SPMIP2: variants seen among roughly 807,000 people sequenced by gnomAD.
SPMIP2 encodes protein SPMIP2.
chr4:159,037,823 C>CAT, the SPMIP2 span, among the ~76,000 whole-genome samples: 3 of 143,720 alleles, frequency 2.1e-5, no homozygotes. Context: ...CACACACACA[C>CAT]ACACATATAT....
At chr4:158,906,033 C>G in the SPMIP2 span, 2 of 152,108 alleles carry the variant, frequency 1.3e-5, no homozygotes, top group African/African-American at 4.8e-5. Context: ...CTACCTTTCC[C>G]TTTTTTAATG....
At chr4:158,960,225 C>A in the SPMIP2 span, 1 of 990,812 alleles carries the variant, frequency 1.0e-6, no homozygotes, top group African/African-American at 1.6e-5. Context: ...AAAAATGAAT[C>A]CTGTTACCAA....
At chr4:158,908,577 A>G in the SPMIP2 span, among the ~76,000 whole-genome samples, 7 of 152,232 alleles carry the variant, frequency 4.6e-5, no homozygotes, top group Admixed American at 3.3e-4. Context: ...CAATGGTAAC[A>G]TAGTTTGGTA....
the SPMIP2 span, chr4:158,960,179 A>T: frequency 1.5e-6 from 1 of 673,320 alleles, no homozygotes; most frequent in Non-Finnish European, 2.5e-6. Flanking sequence ...ACCTACATGA[A>T]ATAAAAAGAA....
At chr4:159,014,564 GGTTA>G in the SPMIP2 span, among the ~76,000 whole-genome samples, 2 of 152,124 alleles carry the variant, frequency 1.3e-5, no homozygotes, top group South Asian at 2.1e-4. Flanking sequence ...ACATTGTGCA[GGTTA>G]GTTACATATG....
chr4:158,898,423 T>C, the SPMIP2 span, among the ~76,000 whole-genome samples: 2 of 152,184 alleles, frequency 1.3e-5, no homozygotes, highest in Non-Finnish European at 2.9e-5. Context: ...ATAAATTACT[T>C]TGGGGAGTAT....
the SPMIP2 span, chr4:158,893,474 A>T: frequency 1.0e-5 from 5 of 497,406 alleles, no homozygotes; most frequent in Non-Finnish European, 1.8e-5. Flanking sequence ...TATTAGTATG[A>T]TAGTCAATAA....
At chr4:158,929,043 T>C in the SPMIP2 span, among the ~76,000 whole-genome samples, 11 of 152,164 alleles carry the variant, frequency 7.2e-5, no homozygotes, top group Admixed American at 1.3e-4. Context: ...TTGAAGTCAG[T>C]GAGACAAAGA....
chr4:158,909,154 T>A, the SPMIP2 span, among the ~76,000 whole-genome samples: 1 of 152,314 alleles, frequency 6.6e-6, no homozygotes, highest in African/African-American at 2.4e-5. Context: ...AAGGGGGCAT[T>A]ACAAAATATT....
At chr4:159,055,402 T>A in the SPMIP2 span, among the ~76,000 whole-genome samples, 10 of 152,128 alleles carry the variant, frequency 6.6e-5, no homozygotes, top group African/African-American at 2.4e-4. Flanking sequence ...CCACAAGAAC[T>A]TTTAAAAAAT....
chr4:158,895,164 G>A, the SPMIP2 span, among the ~76,000 whole-genome samples: 1 of 151,976 alleles, frequency 6.6e-6, no homozygotes, highest in East Asian at 1.9e-4. Flanking sequence ...TTTCTTTATT[G>A]TTATTAAAGA....
chr4:158,904,644 G>GCAAA, the SPMIP2 span: 14 of 1,049,314 alleles, frequency 1.3e-5, no homozygotes, highest in South Asian at 4.1e-5. Context: ...CATGAGAAGA[G>GCAAA]CAAACAGAAA....
the SPMIP2 span, among the ~76,000 whole-genome samples, chr4:159,082,453 G>C: frequency 0.016 from 2,226 of 142,270 alleles, 31 homozygotes; most frequent in African/African-American, 0.046. Flanking sequence ...TTTTCTCTGT[G>C]TGTGTGTGTG....
At chr4:159,054,579 C>G in the SPMIP2 span, among the ~76,000 whole-genome samples, 3 of 152,314 alleles carry the variant, frequency 2.0e-5, no homozygotes, top group African/African-American at 7.2e-5. Context: ...AGCACAGACA[C>G]GTGCTTCCCT....
the SPMIP2 span, among the ~76,000 whole-genome samples, chr4:158,956,043 ATTTC>A: frequency 6.6e-6 from 1 of 151,378 alleles, no homozygotes; most frequent in African/African-American, 2.4e-5. Context: ...GTTTTCCTTG[ATTTC>A]TTTGTTTCCT....
At chr4:159,052,326 G>A in the SPMIP2 span, among the ~76,000 whole-genome samples, 1 of 152,068 alleles carries the variant, frequency 6.6e-6, no homozygotes, top group Non-Finnish European at 1.5e-5. Context: ...GTAACAATCA[G>A]CTACAGCAGA....
chr4:159,065,359 A>G, the SPMIP2 span, among the ~76,000 whole-genome samples: 1 of 152,246 alleles, frequency 6.6e-6, no homozygotes, highest in East Asian at 1.9e-4. Flanking sequence ...CCTTTTCATC[A>G]GCCTTTCATA....
chr4:159,009,640 TTCCG>T, the SPMIP2 span, among the ~76,000 whole-genome samples: 4 of 152,258 alleles, frequency 2.6e-5, no homozygotes, highest in South Asian at 8.3e-4. Flanking sequence ...GTCCCCATGT[TTCCG>T]TTGCTATTGA....
At chr4:158,973,262 G>C in the SPMIP2 span, 1 of 1,613,758 alleles carries the variant, frequency 6.2e-7, no homozygotes. Context: ...CTCCTACATA[G>C]GAGGTGTGCT....
Sources: allele counts gnomAD v4.1 joint callset (sites outside exome capture counted in the v4.1 genomes callset), GRCh38; gene constraint gnomAD v4.1.1; transcripts MANE v1.5; gene names NCBI Gene and HGNC (gene_info 2026-07-23, HGNC 2026-07-21).